The following MSRA variants were observed in gnomAD, a reference collection of about 807,000 sequenced individuals.
MSRA encodes mitochondrial peptide methionine sulfoxide reductase.
In MSRA, 54 loss-of-function variants were observed where a neutral mutation model predicts 31.3. The ratio of observed to expected loss-of-function variants is 1.73; its 90% confidence interval spans 1.39 to 2.17. MSRA has a LOEUF of 2.17. Ranked by LOEUF, MSRA falls within the 30% of genes most tolerant of loss-of-function variation. The pLI is 0.00. For missense variants in MSRA, 507 were observed against 300.9 expected (o/e 1.69, Z -5.07); for synonymous variants, 169 against 116.5 (o/e 1.45, Z -2.90).
intron 1 of MSRA, among the ~76,000 whole-genome samples, chr8:10,122,852 C>T (rs767436956): frequency 4.6e-5 from 7 of 152,140 alleles, no homozygotes; most frequent in South Asian, 2.1e-4. Flanking sequence ...CATGTTGCTG[C>T]GAAAGACATG....
intron 5 of MSRA, among the ~76,000 whole-genome samples, chr8:10,365,277 G>T (rs1029753805): frequency 6.6e-6 from 1 of 151,576 alleles, no homozygotes; most frequent in East Asian, 1.9e-4. Flanking sequence ...CGCTCCCTCC[G>T]AGCATCTGTG....
rs564978147 is a variant in MSRA, at chr8:10,373,032, G to A, written c.543+53043G>A. On this transcript the variant is annotated intron_variant, in intron 5 of 5. Coordinates refer to ENST00000317173, the MANE Select transcript of MSRA (RefSeq NM_012331.5). ...AGCCTCCCAAGTAGCTGGGATTACA[G>A]GCATGGCATTTACCACACCAGCTAA... Among the ~76,000 whole-genome samples the A allele has an allele frequency of 6.6e-5, 10 of 152,308 alleles. No individual in the cohort carries two copies. The South Asian group carries it at 2.1e-3, about 32-fold the overall frequency.
intron 1 of MSRA, among the ~76,000 whole-genome samples, chr8:10,190,399 C>T (rs1312458616): frequency 5.3e-5 from 8 of 152,172 alleles, no homozygotes; most frequent in Admixed American, 5.2e-4. Flanking sequence ...AGGCCTCCTG[C>T]CCCCGTCAGT....
intron 1 of MSRA, among the ~76,000 whole-genome samples, chr8:10,061,907 G>C (rs1226435975): frequency 6.6e-6 from 1 of 152,206 alleles, no homozygotes; most frequent in Non-Finnish European, 1.5e-5. Flanking sequence ...TGCAGCAGTG[G>C]TGGGGAAGAG....
chr8:10,082,072 G>A (rs1041552502), intron 1 of MSRA, among the ~76,000 whole-genome samples: 5 of 152,030 alleles, frequency 3.3e-5, no homozygotes, highest in Admixed American at 2.6e-4. Context: ...TTGGTGTGGT[G>A]GTGTGCACCC....
At chr8:10,062,805 A>G (rs1010368083) in intron 1 of MSRA, among the ~76,000 whole-genome samples, 1 of 152,132 alleles carries the variant, frequency 6.6e-6, no homozygotes, top group African/African-American at 2.4e-5. Context: ...AATGTATGTG[A>G]TAGGAGTGGA....
At chr8:10,339,055 C>G (rs1803241065) in intron 5 of MSRA, among the ~76,000 whole-genome samples, 2 of 152,208 alleles carry the variant, frequency 1.3e-5, no homozygotes, top group South Asian at 4.1e-4. Flanking sequence ...TTTTAATTCA[C>G]TGGGTTTGTT....
chr8:10,405,421 G>C (rs561823787), intron 5 of MSRA, among the ~76,000 whole-genome samples: 2 of 152,320 alleles, frequency 1.3e-5, no homozygotes, highest in South Asian at 2.1e-4. Context: ...AGTCACTGCT[G>C]TTCCATCATG....
intron 5 of MSRA, among the ~76,000 whole-genome samples, chr8:10,331,204 C>G (rs954563531): frequency 2.6e-5 from 4 of 152,212 alleles, no homozygotes; most frequent in African/African-American, 9.7e-5. Context: ...GCCACGTAGT[C>G]TGTTACTTTG....
intron 4 of MSRA, among the ~76,000 whole-genome samples, chr8:10,316,524 ATCCCTCTCTC>A (rs1377845166): frequency 7.7e-5 from 5 of 65,352 alleles, no homozygotes; most frequent in African/African-American, 2.1e-4. Context: ...TACTTTGATG[ATCCCTCTCTC>A]TCTCTCTCTC....
At chr8:10,113,160 T>C (rs576098611) in intron 1 of MSRA, among the ~76,000 whole-genome samples, 4 of 152,100 alleles carry the variant, frequency 2.6e-5, no homozygotes, top group Non-Finnish European at 5.9e-5. Flanking sequence ...CTAAATAATT[T>C]GTTGAGTGAA....
intron 5 of MSRA, among the ~76,000 whole-genome samples, chr8:10,369,094 A>C (rs1805331927): frequency 6.6e-6 from 1 of 152,232 alleles, no homozygotes; most frequent in Non-Finnish European, 1.5e-5. Flanking sequence ...TGAACTCTAC[A>C]TTCAGTTTTT....
At chr8:10,141,455 A>G (rs1273787835) in intron 1 of MSRA, among the ~76,000 whole-genome samples, 1 of 152,174 alleles carries the variant, frequency 6.6e-6, no homozygotes, top group Non-Finnish European at 1.5e-5. Context: ...TGTCACCCAC[A>G]CAGGCCCAGC....
At chr8:10,228,032 C>T (rs1395389898) in intron 2 of MSRA, among the ~76,000 whole-genome samples, 1 of 152,198 alleles carries the variant, frequency 6.6e-6, no homozygotes, top group African/African-American at 2.4e-5. Context: ...CTGCTCTCTT[C>T]TTTGCTGGAT....
chr8:10,227,693 G>A (rs894155288), intron 2 of MSRA, among the ~76,000 whole-genome samples: 2 of 152,186 alleles, frequency 1.3e-5, no homozygotes, highest in African/African-American at 4.8e-5. Context: ...TAGGGAAGGG[G>A]CTGAAAAGAA....
chr8:10,138,211 G>T (rs1308947145), intron 1 of MSRA, among the ~76,000 whole-genome samples: 1 of 152,188 alleles, frequency 6.6e-6, no homozygotes, highest in Non-Finnish European at 1.5e-5. Flanking sequence ...AGAGGTGAAA[G>T]ATTTTAAAAT....
chr8:10,397,331 C>T (rs1807158315), intron 5 of MSRA, among the ~76,000 whole-genome samples: 1 of 152,164 alleles, frequency 6.6e-6, no homozygotes, highest in Non-Finnish European at 1.5e-5. Context: ...TTTGTAGGAG[C>T]TCAGGAAATG....
intron 5 of MSRA, among the ~76,000 whole-genome samples, chr8:10,348,839 T>TG (rs1221726792): frequency 6.6e-6 from 1 of 152,022 alleles, no homozygotes; most frequent in Non-Finnish European, 1.5e-5. Flanking sequence ...GGAGAAGGCT[T>TG]GGGGGGGACA....
At chr8:10,321,095 C>A (rs1011223093) in intron 5 of MSRA, among the ~76,000 whole-genome samples, 2 of 152,172 alleles carry the variant, frequency 1.3e-5, no homozygotes, top group African/African-American at 4.8e-5. Flanking sequence ...TACATGATAT[C>A]ACAAAATAAT....
Sources: gnomAD v4.1 joint callset for allele counts (sites outside exome capture counted in the v4.1 genomes callset) on GRCh38, gnomAD v4.1.1 for gene constraint, MANE v1.5 for transcripts, NCBI Gene and HGNC (gene_info 2026-07-23, HGNC 2026-07-21) for gene names.